Variants in ADAMTS18 observed in about 807,000 individuals in gnomAD.
ADAMTS18 encodes the protein A disintegrin and metalloproteinase with thrombospondin motifs 18.
Under a neutral mutation model 165.9 loss-of-function variants are expected in ADAMTS18, and 157 were observed. The observed-to-expected ratio is 0.95, with a 90% CI of 0.83 to 1.08. ADAMTS18 has a LOEUF of 1.08. Ranked by LOEUF, ADAMTS18 falls within the 50% of genes least tolerant of loss-of-function variation. The pLI, the probability that ADAMTS18 is intolerant of heterozygous loss-of-function variation, is 0.00. For synonymous variants in ADAMTS18, 782 were observed against 578.2 expected (o/e 1.35, Z -5.06); for missense variants, 2,040 against 1,534.0 (o/e 1.33, Z -5.51).
chr16:77,413,710 C>G (rs533179392), intron 3 of ADAMTS18, among the ~76,000 whole-genome samples: 14 of 148,046 alleles, frequency 9.5e-5, no homozygotes, highest in African/African-American at 3.5e-4. Context: ...ATTTAGTATA[C>G]TTAAATATGT....
Position 77,293,066 on chromosome 16 carries a change from T to C in ADAMTS18, c.3189+10A>G. The C allele has an allele frequency of 6.2e-7, 1 of 1,614,032 alleles. No individual in the cohort carries two copies. Among genetic ancestry groups the C allele is most frequent in the Non-Finnish European group, 8.5e-7 (1 of 1,179,986 alleles). ...AATCTCCTGACCCAGCAGTGACTTCTAATCCATACCTCGCTCCACGAAGAA... is the reference window on the plus strand; with the variant it reads ...AATCTCCTGACCCAGCAGTGACTTCCAATCCATACCTCGCTCCACGAAGAA... On this transcript the variant is annotated intron_variant, in intron 20 of 22. Coordinates refer to ENST00000282849, the MANE Select transcript of ADAMTS18 (RefSeq NM_199355.4).
rs2056682891 is a variant in ADAMTS18 at position 77,359,605 on chromosome 16, A to G, written c.1217-182T>C. Among the ~76,000 whole-genome samples the G allele has an allele frequency of 2.6e-5, 4 of 152,022 alleles. No individual in the cohort carries two copies. The South Asian group carries it at 6.2e-4, about 24-fold the overall frequency. On this transcript the variant is annotated intron_variant, in intron 7 of 22. Coordinates refer to ENST00000282849, the MANE Select transcript of ADAMTS18 (RefSeq NM_199355.4). ...TTGTCCTGTGTAATGATAATGTATAAATGCAACATTTCCTATTTTCTTGCT... is the reference window on the plus strand; with the variant it reads ...TTGTCCTGTGTAATGATAATGTATAGATGCAACATTTCCTATTTTCTTGCT...
chr16:77,406,031 T>A (rs902594086), intron 3 of ADAMTS18, among the ~76,000 whole-genome samples: 1 of 152,192 alleles, frequency 6.6e-6, no homozygotes, highest in Admixed American at 6.5e-5. Context: ...TTTATGAAGG[T>A]AGTCTAACTT....
At position 77,329,802 on chromosome 16, in the gene ADAMTS18, T is replaced by C. The variant is rs559280059; in HGVS notation, c.1860-3764A>G. ...TAACAGACAATTCTATCATGATATG[T>C]CTTGGTGTAAGAAGTTGTTTAATAT... is the stretch of plus-strand genomic sequence containing the variant. On this transcript the variant is annotated intron_variant, in intron 12 of 22. Transcript: ENST00000282849. 3.0e-4 allele frequency among the ~76,000 whole-genome samples: 46 copies of C among 152,216 alleles called. No homozygotes were observed. In the South Asian group the frequency reaches 8.9e-3, roughly 30 times the overall value.
chr16:77,403,023 C>T (rs557517829), intron 3 of ADAMTS18, among the ~76,000 whole-genome samples: 4 of 152,222 alleles, frequency 2.6e-5, no homozygotes, highest in Admixed American at 6.5e-5. Context: ...AAACAGTAGC[C>T]ACTATATTAA....
At chr16:77,291,127 C>A in intron 21 of ADAMTS18, 139 bp downstream of exon 21, 1 of 922,052 alleles carries the variant, frequency 1.1e-6, no homozygotes, top group South Asian at 1.4e-5. Context: ...AGAACAAAAC[C>A]CATTCTGCCT....
intron 3 of ADAMTS18, among the ~76,000 whole-genome samples, chr16:77,417,052 T>C (rs1432453749): frequency 6.6e-6 from 1 of 152,192 alleles, no homozygotes; most frequent in Non-Finnish European, 1.5e-5. Context: ...TCATCACTTA[T>C]TTGTGTTCCC....
intron 10 of ADAMTS18, among the ~76,000 whole-genome samples, chr16:77,353,254 T>C (rs12920358): frequency 0.31 from 47,382 of 152,054 alleles, 8,334 homozygotes; most frequent in East Asian, 0.63. Context: ...GAAGAAAAGA[T>C]GACACAAAAA....
rs745410510 is a variant in ADAMTS18 at position 77,335,917 on chromosome 16, C to A, written c.1711-13G>T. The A allele has an allele frequency of 2.5e-6, 4 of 1,614,140 alleles. No homozygotes were observed. Among genetic ancestry groups the A allele is most frequent in the Middle Eastern group, 1.6e-4 (1 of 6,062 alleles). On this transcript the variant is annotated splice_polypyrimidine_tract_variant and intron_variant, in intron 11 of 22. Coordinates refer to ENST00000282849, the MANE Select transcript of ADAMTS18 (RefSeq NM_199355.4). ...CTTGCCGACACCACTGTGAAAAGAA[C>A]GTGTAAGATGGTTCCCGTCAGAGAC...
intron 4 of ADAMTS18, among the ~76,000 whole-genome samples, chr16:77,366,912 G>A (rs1361514546): frequency 1.3e-5 from 2 of 151,962 alleles, no homozygotes; most frequent in African/African-American, 4.8e-5. Flanking sequence ...TAAAACTTGT[G>A]GCTATTAGAA....
At chr16:77,301,619 C>G (rs745792249) in intron 16 of ADAMTS18, among the ~76,000 whole-genome samples, 1 of 152,218 alleles carries the variant, frequency 6.6e-6, no homozygotes, top group Middle Eastern at 3.2e-3. Context: ...CTGTCTCCCT[C>G]GGGTGGGATC....
At chr16:77,319,463 G>T (rs1010843177) in intron 16 of ADAMTS18, among the ~76,000 whole-genome samples, 9 of 151,990 alleles carry the variant, frequency 5.9e-5, no homozygotes, top group Non-Finnish European at 1.3e-4. Flanking sequence ...TTGTTGTTTT[G>T]AAACAGTCTT....
In ADAMTS18 at chr16:77,434,676, A is replaced by C; in HGVS notation, c.20T>G (p.Leu7Arg). 6.8e-7 allele frequency: 1 copy of C among 1,478,456 alleles called. No homozygotes were observed. The highest frequency in any genetic ancestry group is 8.9e-7 in the Non-Finnish European group (1 of 1,121,374). The allele number at this position is 1,478,456 out of a possible 1,614,324, so 91.6% of individuals were successfully genotyped here. A position where few individuals can be genotyped will look rare whatever the true frequency, so the allele number is the denominator to read the frequency against. ...ACCCGCAGCCGGGAAGGCACACGCG[A>C]GCAGGAGGGCGCACTCCATGGTCAG... MECALL[L>R]ACAFPAAGSG... Residue 7 changes from leucine (L) to arginine (R), a missense_variant, in exon 1 of 23, where the codon CTC becomes CGC. Transcript: ENST00000282849.
chr16:77,379,264 G>A (rs1597198902), intron 3 of ADAMTS18, among the ~76,000 whole-genome samples: 1 of 152,308 alleles, frequency 6.6e-6, no homozygotes, highest in Non-Finnish European at 1.5e-5. Flanking sequence ...CGTCCATTCT[G>A]AAGGCTCAAT....
intron 13 of ADAMTS18, among the ~76,000 whole-genome samples, chr16:77,324,678 C>A (rs774052045): frequency 2.0e-5 from 3 of 152,144 alleles, no homozygotes; most frequent in Non-Finnish European, 4.4e-5. Flanking sequence ...TGTTGACAGG[C>A]TGTTAAGGAA....
At chr16:77,362,079 G>A in intron 7 of ADAMTS18, 26 bp downstream of exon 7, 1 of 1,613,444 alleles carries the variant, frequency 6.2e-7, no homozygotes, top group South Asian at 1.1e-5. Context: ...TAACAGGTGT[G>A]TGTGAAGGAT....
chr16:77,291,284 A>T lies in ADAMTS18; in HGVS notation c.3384T>A (p.Tyr1128Ter), dbSNP rs1319303629. 6.2e-7 allele frequency: 1 copy of T among 1,614,146 alleles called. No individual in the cohort carries two copies. Among genetic ancestry groups the T allele is most frequent in the Non-Finnish European group, 8.5e-7 (1 of 1,180,018 alleles). The change falls in exon 21 of 23, where the codon TAT becomes TAA. Residue 1128 changes from tyrosine (Y) to a stop codon, truncating the protein, a stop_gained. Transcript: ENST00000282849. LOFTEE classifies it high-confidence loss of function. ...HPVYNMVAGW[Y>*]SLPWQQCTVT... ...TACCCACCTGCTGCCACGGCAATGAATACCATCCAGCTACCATGTTGTACA... is the reference window on the plus strand; with the variant it reads ...TACCCACCTGCTGCCACGGCAATGATTACCATCCAGCTACCATGTTGTACA...
intron 3 of ADAMTS18, among the ~76,000 whole-genome samples, chr16:77,376,082 T>C (rs1034103894): frequency 1.3e-5 from 2 of 151,898 alleles, no homozygotes; most frequent in African/African-American, 4.8e-5. Context: ...TTTGTATTTT[T>C]AGTAAAGACG....
intron 19 of ADAMTS18, 57 bp downstream of exon 19, chr16:77,294,866 T>C: frequency 6.5e-7 from 1 of 1,549,766 alleles, no homozygotes; most frequent in Non-Finnish European, 8.9e-7. Flanking sequence ...CAAAGACACC[T>C]CTACTTTTGC....
Sources: gnomAD v4.1 joint callset for allele counts (sites outside exome capture counted in the v4.1 genomes callset) on GRCh38, gnomAD v4.1.1 for gene constraint, MANE v1.5 for transcripts, NCBI Gene and HGNC (gene_info 2026-07-23, HGNC 2026-07-21) for gene names.